Variants in PFKFB4 observed in about 807,000 individuals in gnomAD.
PFKFB4 encodes 6-phosphofructo-2-kinase/fructose-2,6-bisphosphatase 4.
PFKFB4 carries 42 observed loss-of-function variants against 62.8 expected under a neutral mutation model. The ratio of observed to expected loss-of-function variants is 0.67; its 90% CI spans 0.52 to 0.86. PFKFB4 has a LOEUF of 0.86. Among genes scored for constraint, PFKFB4 ranks in the 40% least tolerant of loss-of-function variants. The pLI is 0.00. For synonymous variants in PFKFB4, 204 were observed against 240.7 expected (o/e 0.85, Z 1.41); for missense variants, 475 against 627.2 (o/e 0.76, Z 2.59).
chr3:48,559,917 C>G (rs1009764438), upstream of PFKFB4: 3 of 201,282 alleles, frequency 1.5e-5, no homozygotes, highest in Non-Finnish European at 2.7e-5. Context: ...CACACACACA[C>G]ACACACACAC....
chr3:48,543,471 TG>T, intron 4 of PFKFB4, 108 bp downstream of exon 4: 1 of 998,178 alleles, frequency 1.0e-6, no homozygotes, highest in Non-Finnish European at 1.5e-6. Context: ...CCAGAGCAGC[TG>T]GGGCACACAC....
chr3:48,521,558 G>A lies in PFKFB4; in HGVS notation c.1350+428C>T, dbSNP rs76734231. Reference sequence around the variant, plus strand: ...TTAGGAAAGGGGCTCATGAGGCCTCGGCTGCAGGGATGGGGAGTGGGAAGA... The same window carrying A: ...TTAGGAAAGGGGCTCATGAGGCCTCAGCTGCAGGGATGGGGAGTGGGAAGA... On this transcript the variant is annotated intron_variant, in intron 13 of 13. Coordinates refer to ENST00000232375, the MANE Select transcript of PFKFB4 (RefSeq NM_004567.4). This position sits in a 1 kb window ranked among gnomAD's most constrained non-coding sequence, Gnocchi z 5.3. Among the ~76,000 whole-genome samples the A allele has an allele frequency of 8.5e-4, 129 of 152,278 alleles. 2 individuals are homozygous for A. In the East Asian group the frequency reaches 0.021, roughly 25 times the overall value.
rs139670782 is a variant in PFKFB4, at chr3:48,538,567, G to A, written c.563C>T (p.Thr188Met). 1.5e-5 allele frequency: 24 copies of A among 1,614,046 alleles called. 1 individual carries two copies. Among genetic ancestry groups the A allele is most frequent in the African/African-American group, 1.3e-4 (10 of 74,924 alleles). ...CTCAATGCGCCTCATGAAGTCCTCC[G>A]TAGCCTCATCACTGTCGCGGTTGAC... ...DYVNRDSDEA[T>M]EDFMRRIECY... is the part of the protein sequence containing the mutation. The change falls in exon 7 of 14, where the codon ACG (threonine) becomes ATG (methionine). Residue 188 changes from threonine (T) to methionine (M), a missense_variant. Transcript: ENST00000232375.
upstream of PFKFB4, chr3:48,562,897 C>T (rs2043457826): frequency 6.2e-7 from 1 of 1,604,690 alleles, no homozygotes; most frequent in Non-Finnish European, 8.5e-7. This position sits in a 1 kb window ranked among gnomAD's most constrained non-coding sequence, Gnocchi z 4.3. Context: ...TGGGGACATC[C>T]AGCGATAGGA....
Position 48,556,791 on chromosome 3 carries a change from T to C in PFKFB4, c.-14A>G. ...TGGGGACGCCATCCCGGGGCCGGGA[T>C]GAGTCGGACTGCGCCGCTTCCAACC... On this transcript the variant is annotated 5_prime_UTR_variant, in exon 1 of 14. Coordinates refer to ENST00000232375, the MANE Select transcript of PFKFB4 (RefSeq NM_004567.4). The surrounding 1 kb of genome is among the most constrained non-coding windows in gnomAD (Gnocchi z 5.7). The C allele has an allele frequency of 1.3e-6, 2 of 1,597,138 alleles. No individual in the cohort carries two copies. The highest frequency in any genetic ancestry group is 1.7e-6 in the Non-Finnish European group (2 of 1,172,496).
chr3:48,519,497 G>A lies in PFKFB4; in HGVS notation c.*250C>T, dbSNP rs563793506. The stretch of plus-strand genomic sequence containing the variant: ...AAGAAACTGGGGCTGGGCAACCTCC[G>A]CGCAGCCCATGCAGATGCAGTCTGG... On this transcript the variant is annotated 3_prime_UTR_variant, in exon 14 of 14. Coordinates refer to ENST00000232375, the MANE Select transcript of PFKFB4 (RefSeq NM_004567.4). The A allele has an allele frequency of 1.4e-5, 7 of 498,558 alleles. No individual in the cohort carries two copies. The highest frequency in any genetic ancestry group is 3.1e-5 in the South Asian group (1 of 32,356). 30.9% of individuals were successfully genotyped at this position (498,558 alleles called of 1,614,324 possible).
intron 3 of PFKFB4, among the ~76,000 whole-genome samples, chr3:48,544,121 C>T (rs933961119): frequency 3.3e-5 from 5 of 150,856 alleles, no homozygotes; most frequent in Admixed American, 6.7e-5. Flanking sequence ...AAGCAATTTT[C>T]GTGCCTCAGC....
chr3:48,539,117 A>G, intron 6 of PFKFB4, 137 bp downstream of exon 6: 1 of 729,072 alleles, frequency 1.4e-6, no homozygotes, highest in Non-Finnish European at 2.5e-6. Context: ...AGGGCGAGGC[A>G]TACCTGACCC....
At chr3:48,522,316 G>A (rs1575351124) in intron 12 of PFKFB4, among the ~76,000 whole-genome samples, 2 of 152,164 alleles carry the variant, frequency 1.3e-5, no homozygotes, top group South Asian at 2.1e-4. Flanking sequence ...GAGAGGGATC[G>A]GGGGAACAGC....
upstream of PFKFB4, among the ~76,000 whole-genome samples, chr3:48,558,307 C>A (rs1406350652): frequency 1.3e-5 from 2 of 152,178 alleles, no homozygotes; most frequent in Non-Finnish European, 1.5e-5. Flanking sequence ...CCAGCCCCCA[C>A]CAACACGGCT....
chr3:48,546,382 CAT>C (rs34924009), intron 3 of PFKFB4, among the ~76,000 whole-genome samples: 17,074 of 152,080 alleles, frequency 0.11, 1,872 homozygotes, highest in African/African-American at 0.28. Flanking sequence ...TGTGTGTATA[CAT>C]GTCTTCATGT....
intron 9 of PFKFB4, among the ~76,000 whole-genome samples, chr3:48,533,403 C>T (rs532770930): frequency 6.6e-6 from 1 of 152,052 alleles, no homozygotes; most frequent in South Asian, 2.1e-4. Flanking sequence ...AATGGAAAAA[C>T]AAAAGCAGGG....
intron 9 of PFKFB4, among the ~76,000 whole-genome samples, chr3:48,528,617 C>T (rs2042337058): frequency 6.6e-6 from 1 of 152,126 alleles, no homozygotes; most frequent in Admixed American, 6.5e-5. Context: ...GAGCTAAGAT[C>T]GTGCTACTGC....
intron 13 of PFKFB4, among the ~76,000 whole-genome samples, chr3:48,520,116 GA>G (rs2042052175): frequency 6.6e-6 from 1 of 152,170 alleles, no homozygotes; most frequent in Non-Finnish European, 1.5e-5. Context: ...TGAGTCAATT[GA>G]GGAGGAACCC....
At chr3:48,547,175 C>A (rs753852357) in intron 3 of PFKFB4, among the ~76,000 whole-genome samples, 1 of 152,140 alleles carries the variant, frequency 6.6e-6, no homozygotes. Context: ...AGAACATGTG[C>A]GCCTTCGTGT....
rs976698714 is a variant in PFKFB4, at chr3:48,535,995, C to T, written c.840+261G>A. Among the ~76,000 whole-genome samples the T allele has an allele frequency of 3.9e-5, 6 of 152,280 alleles. No individual in the cohort carries two copies. The East Asian group carries it at 9.6e-4, about 24-fold the overall frequency. ...TCTGCTACACTGTATGGACTCAGGT[C>T]GCTCTAAGGGTGGCATGCCTCTGAC... On this transcript the variant is annotated intron_variant, in intron 8 of 13. Transcript: ENST00000232375.
At chr3:48,550,047 G>A (rs1343739022) in intron 2 of PFKFB4, 71 bp downstream of exon 2, 9 of 1,417,502 alleles carry the variant, frequency 6.3e-6, no homozygotes, top group South Asian at 1.1e-5. Context: ...AAATAATAGA[G>A]AATAGGCCTT....
intron 1 of PFKFB4, among the ~76,000 whole-genome samples, chr3:48,554,953 G>A (rs958156842): frequency 2.6e-5 from 4 of 151,046 alleles, no homozygotes; most frequent in African/African-American, 9.7e-5. Context: ...GGAAGGCTGA[G>A]GCAGGAGAAT....
At chr3:48,549,822 C>T in intron 3 of PFKFB4, 42 bp downstream of exon 3, 1 of 1,213,256 alleles carries the variant, frequency 8.2e-7, no homozygotes, top group Non-Finnish European at 1.2e-6. Context: ...CACACTGGGT[C>T]CCCCAGCAAC....
Sources: gnomAD v4.1 joint callset for allele counts (sites outside exome capture counted in the v4.1 genomes callset) on GRCh38, gnomAD v4.1.1 for gene constraint, Gnocchi (gnomAD v3.1) non-coding constraint, MANE v1.5 for transcripts, NCBI Gene and HGNC (gene_info 2026-07-23, HGNC 2026-07-21) for gene names.